The following KBTBD12 variants were observed in gnomAD, a reference collection of about 807,000 sequenced individuals.
KBTBD12 encodes kelch repeat and BTB domain containing 12.
In KBTBD12, 53 loss-of-function variants were observed where a neutral mutation model predicts 58.7. That is an observed-to-expected ratio of 0.90 (90% CI 0.72 to 1.14). The LOEUF is 1.14. KBTBD12 is among the 50% of genes most tolerant of loss of function. The probability of loss-of-function intolerance (pLI) is 0.00; values close to 1 mark genes in which losing one functional copy is unlikely to be tolerated. For missense variants in KBTBD12, 704 were observed against 751.3 expected, an observed-to-expected ratio of 0.94 and a Z score of 0.74; for synonymous variants, 236 against 259.8, an observed-to-expected ratio of 0.91 and a Z score of 0.88.
At chr3:127,959,993 G>A (rs1266433914) in intron 4 of KBTBD12, among the ~76,000 whole-genome samples, 1 of 152,226 alleles carries the variant, frequency 6.6e-6, no homozygotes, top group Non-Finnish European at 1.5e-5. Flanking sequence ...TAGCACGACA[G>A]GCAACTTTGG....
At chr3:127,935,075 A>C (rs768562996) in intron 4 of KBTBD12, among the ~76,000 whole-genome samples, 2 of 152,184 alleles carry the variant, frequency 1.3e-5, no homozygotes, top group Non-Finnish European at 2.9e-5. Flanking sequence ...GATATAAAAG[A>C]ATACAGATGC....
At chr3:127,954,556 A>T (rs1940280234) in intron 4 of KBTBD12, among the ~76,000 whole-genome samples, 2 of 152,254 alleles carry the variant, frequency 1.3e-5, no homozygotes, top group African/African-American at 4.8e-5. Context: ...TTCTGAAATG[A>T]AAATGTGTAT....
At chr3:127,977,647 C>T (rs896236866) in intron 5 of KBTBD12, among the ~76,000 whole-genome samples, 5 of 152,122 alleles carry the variant, frequency 3.3e-5, no homozygotes, top group African/African-American at 1.2e-4. Context: ...AGTGTCTGTT[C>T]GTGTCCTTTG....
intron 4 of KBTBD12, among the ~76,000 whole-genome samples, chr3:127,961,171 T>C (rs965519932): frequency 6.6e-6 from 1 of 152,250 alleles, no homozygotes; most frequent in African/African-American, 2.4e-5. Flanking sequence ...GGGTGATTGC[T>C]TGTTTCAACT....
intron 4 of KBTBD12, among the ~76,000 whole-genome samples, chr3:127,943,160 A>G (rs1343053261): frequency 6.6e-6 from 1 of 152,180 alleles, no homozygotes; most frequent in Admixed American, 6.5e-5. Flanking sequence ...TCCAAACTAT[A>G]GCAGTCTCTT....
chr3:127,968,371 T>A (rs1448407780), intron 5 of KBTBD12, among the ~76,000 whole-genome samples: 1 of 152,186 alleles, frequency 6.6e-6, no homozygotes, highest in Non-Finnish European at 1.5e-5. Context: ...CTTCACAAAC[T>A]CTTACAAAAT....
chr3:127,919,301 G>T (rs1414746130), intron 1 of KBTBD12, among the ~76,000 whole-genome samples: 3 of 152,146 alleles, frequency 2.0e-5, no homozygotes, highest in Non-Finnish European at 2.9e-5. Context: ...CACGATCTTG[G>T]CTCACTGCAA....
At chr3:127,951,543 A>C (rs1940202766) in intron 4 of KBTBD12, among the ~76,000 whole-genome samples, 1 of 152,196 alleles carries the variant, frequency 6.6e-6, no homozygotes, top group Non-Finnish European at 1.5e-5. Flanking sequence ...TGGTCACTGA[A>C]GCAAGTTGTC....
intron 5 of KBTBD12, among the ~76,000 whole-genome samples, chr3:127,968,712 A>G (rs528635368): frequency 2.6e-4 from 39 of 152,290 alleles, no homozygotes; most frequent in African/African-American, 9.1e-4. Context: ...GCACACCACC[A>G]TGGCACACAT....
chr3:127,981,255 A>G (rs908682645), intron 5 of KBTBD12, among the ~76,000 whole-genome samples: 4 of 152,320 alleles, frequency 2.6e-5, no homozygotes, highest in East Asian at 1.9e-4. Context: ...TGGTTCTGCC[A>G]TGTATCAGCT....
intron 4 of KBTBD12, among the ~76,000 whole-genome samples, chr3:127,945,739 T>C (rs1576381696): frequency 6.7e-6 from 1 of 150,114 alleles, no homozygotes; most frequent in South Asian, 2.1e-4. Context: ...AGTGCAGTGG[T>C]GCAACCTTGG....
chr3:127,919,727 A>G (rs1163675105), intron 1 of KBTBD12, among the ~76,000 whole-genome samples: 1 of 152,132 alleles, frequency 6.6e-6, no homozygotes, highest in Non-Finnish European at 1.5e-5. Flanking sequence ...AAATTGGGCT[A>G]CCTACACCCT....
At chr3:127,925,089 TG>T (rs1360526818) in intron 2 of KBTBD12, among the ~76,000 whole-genome samples, 1 of 152,222 alleles carries the variant, frequency 6.6e-6, no homozygotes, top group African/African-American at 2.4e-5. Flanking sequence ...ACTATTTGTC[TG>T]TCATCTCCTA....
At chr3:127,938,732 G>T (rs1471572979) in intron 4 of KBTBD12, among the ~76,000 whole-genome samples, 2 of 152,154 alleles carry the variant, frequency 1.3e-5, no homozygotes, top group Admixed American at 6.6e-5. Context: ...AGCTGGTATA[G>T]CTGTTTATTA....
intron 5 of KBTBD12, among the ~76,000 whole-genome samples, chr3:127,970,625 C>T (rs1307364725): frequency 6.6e-6 from 1 of 152,198 alleles, no homozygotes; most frequent in African/African-American, 2.4e-5. Context: ...GAAATACTAA[C>T]AGTTGCTACA....
rs1939481526 is a variant in KBTBD12, at chr3:127,923,554, T to C, written c.493T>C (p.Leu165=). 1 of 1,613,066 alleles carries C rather than the reference T, an allele frequency of 6.2e-7. No individual in the cohort carries two copies. Among genetic ancestry groups the C allele is most frequent in the Admixed American group, 1.7e-5 (1 of 59,880 alleles). ...ATATCAGCACTTTGCCGAGGTGAGCTTACATGAAGAAATACTAGAAATCGA... is the reference window on the plus strand; with the variant it reads ...ATATCAGCACTTTGCCGAGGTGAGCCTACATGAAGAAATACTAGAAATCGA... The part of the protein sequence containing the change: ...YLYQHFAEVS[L]HEEILEIEVH... Residue 165 remains leucine (L), a synonymous_variant, in exon 2 of 6, where the codon TTA becomes CTA. Coordinates refer to ENST00000405109, the MANE Select transcript of KBTBD12 (RefSeq NM_207335.4).
At chr3:127,949,408 A>C (rs796945997) in intron 4 of KBTBD12, among the ~76,000 whole-genome samples, 2 of 152,322 alleles carry the variant, frequency 1.3e-5, no homozygotes, top group African/African-American at 4.8e-5. Context: ...TGGAATTCAT[A>C]ATTTATCTCT....
At chr3:127,961,743 G>A (rs371162750) in intron 4 of KBTBD12, among the ~76,000 whole-genome samples, 1 of 152,128 alleles carries the variant, frequency 6.6e-6, no homozygotes, top group African/African-American at 2.4e-5. Context: ...AACACACAAC[G>A]TGTCAGGCAC....
Position 127,966,317 on chromosome 3 carries a change from T to A in KBTBD12, c.1690+2931T>A, listed in dbSNP as rs190508778. ...AGAATCTCACAGAAAAAGTCTTTTATGGCATCCCACTCTTAAAGATGAACA... is the reference window on the plus strand; with the variant it reads ...AGAATCTCACAGAAAAAGTCTTTTAAGGCATCCCACTCTTAAAGATGAACA... On this transcript the variant is annotated intron_variant, in intron 5 of 5. Transcript: ENST00000405109. Among the ~76,000 whole-genome samples the A allele has an allele frequency of 4.6e-5, 7 of 152,262 alleles. No individual in the cohort carries two copies. In the East Asian group the frequency reaches 1.4e-3, roughly 29 times the overall value.
Sources: allele counts gnomAD v4.1 joint callset (sites outside exome capture counted in the v4.1 genomes callset), GRCh38; gene constraint gnomAD v4.1.1; transcripts MANE v1.5; gene names NCBI Gene and HGNC (gene_info 2026-07-23, HGNC 2026-07-21).